DENND3: variants seen among roughly 807,000 people sequenced by gnomAD.
DENND3 encodes the protein DENN domain-containing protein 3.
Under a neutral mutation model 135.1 loss-of-function variants are expected in DENND3, and 88 were observed. The observed-to-expected ratio is 0.65, with a 90% CI of 0.55 to 0.78. The LOEUF is 0.78. DENND3 is among the 30% of genes least tolerant of loss of function. The pLI is 0.00. For missense variants in DENND3, 1,392 were observed against 1,688.4 expected (o/e 0.82, Z 3.08); for synonymous variants, 693 against 712.3 (o/e 0.97, Z 0.43).
At chr8:141,170,547 C>T (rs1249445823) in intron 13 of DENND3, among the ~76,000 whole-genome samples, 1 of 152,208 alleles carries the variant, frequency 6.6e-6, no homozygotes, top group Non-Finnish European at 1.5e-5. Context: ...CAGATCGTGG[C>T]CTCACTGGTC....
In DENND3 at chr8:141,166,055, C is replaced by G; in HGVS notation, c.1554-135C>G. Reference sequence around the variant, plus strand: ...CTTGGTGAGATTTGGGCAACATGTTCTTACCAGTCTGTTTTCCACTGGTGT... The same window carrying G: ...CTTGGTGAGATTTGGGCAACATGTTGTTACCAGTCTGTTTTCCACTGGTGT... On this transcript the variant is annotated intron_variant, in intron 11 of 22. Transcript: ENST00000519811. The surrounding 1 kb of genome is among the most constrained non-coding windows in gnomAD (Gnocchi z 4.3). 1 of 904,460 alleles carries G rather than the reference C, an allele frequency of 1.1e-6. No homozygotes were observed. The highest frequency in any genetic ancestry group is 1.5e-5 in the South Asian group (1 of 64,940). 56.0% of individuals were successfully genotyped at this position (904,460 alleles called of 1,614,324 possible).
rs1218168770 is a variant in DENND3 at position 141,130,304 on chromosome 8, A to C, written c.102+1495A>C. On this transcript the variant is annotated intron_variant, in intron 1 of 22. Coordinates refer to ENST00000519811, the MANE Select transcript of DENND3 (RefSeq NM_001352890.3). This position sits in a 1 kb window ranked among gnomAD's most constrained non-coding sequence, Gnocchi z 4.2. ...AGACTCATCTCCAATTCCTGAGCTC[A>C]AGTGATCCTCCCGCCTCAGCCTTTC... Among the ~76,000 whole-genome samples the C allele has an allele frequency of 6.6e-6, 1 of 152,176 alleles. No homozygotes were observed. The highest frequency in any genetic ancestry group is 1.5e-5 in the Non-Finnish European group (1 of 68,042).
chr8:141,192,688 C>T (rs1464343386), intron 22 of DENND3, 25 bp downstream of exon 22: 1 of 1,605,846 alleles, frequency 6.2e-7, no homozygotes. Context: ...CCGCCATCCC[C>T]AGCATCCCCG....
intron 20 of DENND3, chr8:141,191,466 T>C (rs1824745710): frequency 6.6e-6 from 1 of 152,274 alleles, no homozygotes; most frequent in African/African-American, 2.4e-5. Flanking sequence ...GCTTAACTGT[T>C]TGAAAAACCG....
At chr8:141,135,631 T>G (rs1816702942) in intron 1 of DENND3, among the ~76,000 whole-genome samples, 1 of 152,208 alleles carries the variant, frequency 6.6e-6, no homozygotes, top group South Asian at 2.1e-4. Flanking sequence ...CTTGGAAAGA[T>G]CTGAAATCAG....
At chr8:141,160,479 C>T (rs1000527593) in intron 8 of DENND3, among the ~76,000 whole-genome samples, 153 bp from the exon 9 acceptor site, 9 of 152,196 alleles carry the variant, frequency 5.9e-5, no homozygotes, top group African/African-American at 2.2e-4. Flanking sequence ...CGCGTCCAGC[C>T]CCAGTGATGT....
At chr8:141,192,856 T>C (rs1359890113) in intron 22 of DENND3, 193 bp downstream of exon 22, 5 of 1,536,600 alleles carry the variant, frequency 3.3e-6, no homozygotes, top group Non-Finnish European at 4.4e-6. Flanking sequence ...GGTTTCATGG[T>C]GTGGTCCAAG....
chr8:141,174,304 G>A lies in DENND3; in HGVS notation c.2276-896G>A, dbSNP rs887372883. On this transcript the variant is annotated intron_variant, in intron 13 of 22. Coordinates refer to ENST00000519811, the MANE Select transcript of DENND3 (RefSeq NM_001352890.3). This position sits in a 1 kb window ranked among gnomAD's most constrained non-coding sequence, Gnocchi z 4.6. ...TGGCTCTGAGTGCCACGCAAAGCAGGCTGTGAGTGCGGGTGGCTCTGAAGG... is the reference window on the plus strand; with the variant it reads ...TGGCTCTGAGTGCCACGCAAAGCAGACTGTGAGTGCGGGTGGCTCTGAAGG... Among the ~76,000 whole-genome samples the A allele has an allele frequency of 6.6e-6, 1 of 152,198 alleles. No homozygotes were observed. The highest frequency in any genetic ancestry group is 2.4e-5 in the African/African-American group (1 of 41,458).
At position 141,150,884 on chromosome 8, in the gene DENND3, C is replaced by T. The variant is rs754767090; in HGVS notation, c.786C>T (p.Pro262=). ...TTGTGTTACCTGCCCGAGCAGACCC[C>T]GAAAGCCCCATCCTGGACCTGGACC... is the stretch of plus-strand genomic sequence containing the variant. ...LQIVLPARAD[P]ESPILDLDLH... is the part of the protein sequence containing the mutation. Residue 262 remains proline, a synonymous_variant, in exon 6 of 23, where the codon CCC becomes CCT. Transcript: ENST00000519811. The T allele has an allele frequency of 3.7e-6, 6 of 1,610,112 alleles. No homozygotes were observed. In the East Asian group the frequency reaches 6.7e-5, roughly 18 times the overall value.
In DENND3 at chr8:141,188,077, TCAGCCAGGCGTGGTGGCC is replaced by T. The variant is rs1824151260; in HGVS notation, c.3085-906_3085-889del. ...GTGGCATCAGCCAGGCGTGGTGGCA[TCAGCCAGGCGTGGTGGCC>T]CATGGCTGTAGTCCCGGCTACTCGG... On this transcript the variant is annotated intron_variant, in intron 18 of 22. Transcript: ENST00000519811. Among the ~76,000 whole-genome samples, 5 of 150,034 alleles carry T rather than the reference TCAGCCAGGCGTGGTGGCC, an allele frequency of 3.3e-5. No homozygotes were observed. In the Admixed American group the frequency reaches 3.5e-4, roughly 11 times the overall value.
At chr8:141,160,512 C>T in intron 8 of DENND3, 120 bp from the exon 9 acceptor site, 1 of 1,251,780 alleles carries the variant, frequency 8.0e-7, no homozygotes, top group South Asian at 2.2e-5. Flanking sequence ...ACCCGCCCCT[C>T]AAATTATTGA....
chr8:141,190,531 T>G, intron 20 of DENND3, 114 bp downstream of exon 20: 8 of 1,391,004 alleles, frequency 5.8e-6, no homozygotes, highest in Non-Finnish European at 6.5e-6. Context: ...CCAGTCTTTA[T>G]TTTAAACTCG....
At chr8:141,172,449 G>C (rs1821743832) in intron 13 of DENND3, among the ~76,000 whole-genome samples, 1 of 152,136 alleles carries the variant, frequency 6.6e-6, no homozygotes, top group African/African-American at 2.4e-5. Flanking sequence ...CCCTCACACT[G>C]AGGTCAGCGC....
Position 141,128,818 on chromosome 8 carries a change from CG to C in DENND3, c.102+13del. 7.2e-7 allele frequency: 1 copy of C among 1,396,408 alleles called. No individual in the cohort carries two copies. The highest frequency in any genetic ancestry group is 2.8e-5 in the Admixed American group (1 of 35,318). 86.5% of individuals were successfully genotyped at this position (1,396,408 alleles called of 1,614,324 possible). On this transcript the variant is annotated intron_variant, in intron 1 of 22. Transcript: ENST00000519811. The surrounding 1 kb of genome is among the most constrained non-coding windows in gnomAD (Gnocchi z 4.5). ...TCCGAAGTCTCGAGCAGGTGAGGGG[CG>C]GGGAAACTGAGGCGGACGTGGGCCA...
At chr8:141,176,291 A>ACC (rs1555551158) in intron 14 of DENND3, 1 of 234,360 alleles carries the variant, frequency 4.3e-6, no homozygotes, top group African/African-American at 2.5e-5. Context: ...ACAAAACAAA[A>ACC]AAAAAAAAAC....
At chr8:141,183,457 G>A (rs1041759145) in intron 17 of DENND3, among the ~76,000 whole-genome samples, 5 of 143,916 alleles carry the variant, frequency 3.5e-5, no homozygotes, top group African/African-American at 1.3e-4. Context: ...GAGTTTTGCC[G>A]TATTGCTCAG....
chr8:141,147,599 C>T (rs1428908423), intron 5 of DENND3, among the ~76,000 whole-genome samples: 2 of 152,244 alleles, frequency 1.3e-5, no homozygotes, highest in Non-Finnish European at 2.9e-5. Context: ...GTCTTCGGAT[C>T]GTCTTCTCTG....
intron 13 of DENND3, among the ~76,000 whole-genome samples, chr8:141,173,926 G>T (rs1821986180): frequency 6.6e-6 from 1 of 152,186 alleles, no homozygotes; most frequent in Admixed American, 6.5e-5. Context: ...ATATAGAGTG[G>T]ATTCTGGTTC....
At position 141,168,051 on chromosome 8, in the gene DENND3, A is replaced by G. The variant is rs1821032843; in HGVS notation, c.1801A>G (p.Ile601Val). 6 of 1,613,720 alleles carry G rather than the reference A, an allele frequency of 3.7e-6. No homozygotes were observed. The African/African-American group carries it at 8.0e-5, about 22-fold the overall frequency. The stretch of plus-strand genomic sequence containing the variant: ...CCCGTATACATTCAAGATTCCCGAA[A>G]TCCACTTTCCGCTGGAGAGCAAGTG... ...KSPYTFKIPEIHFPLESKCVQ... is the reference protein window; with the variant it reads ...KSPYTFKIPEVHFPLESKCVQ... The change falls in exon 13 of 23, where the codon ATC becomes GTC. Residue 601 changes from isoleucine to valine, a missense_variant. By Grantham distance (29) the Ile-to-Val change is conservative. Coordinates refer to ENST00000519811, the MANE Select transcript of DENND3 (RefSeq NM_001352890.3). This position sits in a 1 kb window ranked among gnomAD's most constrained non-coding sequence, Gnocchi z 6.2.
Sources: gnomAD v4.1 joint callset for allele counts (sites outside exome capture counted in the v4.1 genomes callset) on GRCh38, gnomAD v4.1.1 for gene constraint, Gnocchi (gnomAD v3.1) non-coding constraint, MANE v1.5 for transcripts, NCBI Gene and HGNC (gene_info 2026-07-23, HGNC 2026-07-21) for gene names.